YBEY: variants seen among roughly 807,000 people sequenced by gnomAD.
YBEY encodes the protein ybeY metalloendoribonuclease, also known as endoribonuclease YbeY.
YBEY carries 15 observed loss-of-function variants against 13.5 expected under a neutral mutation model. The observed-to-expected ratio is 1.11, with a 90% confidence interval of 0.75 to 1.72. The LOEUF (loss-of-function observed/expected upper bound fraction) is 1.72. Among genes scored for constraint, YBEY ranks in the 40% most tolerant of loss-of-function variants. The pLI, the probability that YBEY is intolerant of heterozygous loss-of-function variation, is 0.00. For missense variants in YBEY, 244 were observed against 208.4 expected (o/e 1.17, Z -1.05); for synonymous variants, 101 against 83.1 (o/e 1.21, Z -1.17).
At chr21:46,304,563 G>C in the YBEY span, among the ~76,000 whole-genome samples, 8 of 151,984 alleles carry the variant, frequency 5.3e-5, no homozygotes, top group Non-Finnish European at 1.2e-4. Flanking sequence ...AATTAAACCA[G>C]AATGAACTTC....
At chr21:46,293,044 CTGTGCCCGGGACT>C (rs1401661911) in intron 3 of YBEY, among the ~76,000 whole-genome samples, 9 of 3,502 alleles carry the variant, frequency 2.6e-3, no homozygotes, top group African/African-American at 5.9e-3. Context: ...TTAGCCTGAC[CTGTGCCCGGGACT>C]CAGTGGGGAC....
intron 3 of YBEY, among the ~76,000 whole-genome samples, chr21:46,293,896 G>A (rs373436426): frequency 0.034 from 134 of 3,982 alleles, 1 homozygote; most frequent in East Asian, 0.083. Context: ...ACACAAGTTA[G>A]ACTCTAGATT....
downstream of YBEY, chr21:46,300,986 C>T (rs1278453240): frequency 2.6e-5 from 21 of 802,870 alleles, no homozygotes; most frequent in South Asian, 2.7e-4. Context: ...GGGAGTGAGC[C>T]GCCCTTCCAC....
chr21:46,301,724 G>C, downstream of YBEY: 2 of 1,201,586 alleles, frequency 1.7e-6, no homozygotes, highest in Non-Finnish European at 2.1e-6. Flanking sequence ...CTACAGGAAA[G>C]GAGGGGTCCC....
chr21:46,303,745 A>ATATTT, the YBEY span, among the ~76,000 whole-genome samples: 3 of 23,816 alleles, frequency 1.3e-4, no homozygotes, highest in African/African-American at 1.7e-4. Context: ...ATATATATAT[A>ATATTT]TTTTTTTTTT....
At chr21:46,294,881 T>G (rs13049747) in intron 3 of YBEY, among the ~76,000 whole-genome samples, 1 of 151,542 alleles carries the variant, frequency 6.6e-6, no homozygotes, top group Admixed American at 6.6e-5. Context: ...CAAGTGCATC[T>G]GTGTGGCTTG....
At chr21:46,301,941 A>C (rs2082121692), downstream of YBEY, 3 of 1,434,362 alleles carry the variant, frequency 2.1e-6, no homozygotes, top group East Asian at 8.1e-5. Context: ...CACAGCCCAC[A>C]GCCCTGAGGA....
chr21:46,288,337 A>G (rs2081551098), intron 2 of YBEY, among the ~76,000 whole-genome samples: 1 of 152,204 alleles, frequency 6.6e-6, no homozygotes, highest in South Asian at 2.1e-4. Context: ...CATTTCAAAC[A>G]CATGTATCCT....
chr21:46,308,481 C>T, the YBEY span, among the ~76,000 whole-genome samples: 2 of 152,040 alleles, frequency 1.3e-5, no homozygotes, highest in South Asian at 4.2e-4. Flanking sequence ...AGTTAAATCT[C>T]ATATGATTCA....
the YBEY span, among the ~76,000 whole-genome samples, chr21:46,306,909 T>A: frequency 6.8e-6 from 1 of 147,926 alleles, no homozygotes; most frequent in Non-Finnish European, 1.5e-5. Context: ...TTATTTATTT[T>A]TTTTAAGACA....
chr21:46,303,701 C>A, the YBEY span, among the ~76,000 whole-genome samples: 2 of 99,084 alleles, frequency 2.0e-5, no homozygotes, highest in African/African-American at 3.5e-5. Flanking sequence ...CACACACACA[C>A]ACACAAAATA....
At chr21:46,300,936 T>G (rs2082085983), downstream of YBEY, 7 of 810,326 alleles carry the variant, frequency 8.6e-6, no homozygotes, top group Non-Finnish European at 1.2e-5. Context: ...CCTGTCCACA[T>G]GGTAAGAAAC....
At chr21:46,310,438 C>T in the YBEY span, among the ~76,000 whole-genome samples, 14 of 150,850 alleles carry the variant, frequency 9.3e-5, no homozygotes, top group African/African-American at 3.2e-4. Context: ...AAGATGGCGC[C>T]ATTGCACTCC....
At chr21:46,307,088 A>T in the YBEY span, among the ~76,000 whole-genome samples, 1 of 147,034 alleles carries the variant, frequency 6.8e-6, no homozygotes, top group Non-Finnish European at 1.5e-5. Context: ...TAGACACGGG[A>T]TTTCACCATG....
chr21:46,310,508 AAC>A, the YBEY span, among the ~76,000 whole-genome samples: 34 of 145,272 alleles, frequency 2.3e-4, no homozygotes, highest in African/African-American at 3.3e-4. Context: ...AAAAAAAAAA[AAC>A]AAAACTTGTC....
chr21:46,295,718 GC>G (rs1218293417), intron 3 of YBEY, among the ~76,000 whole-genome samples: 1 of 41,902 alleles, frequency 2.4e-5, no homozygotes, highest in African/African-American at 1.7e-4. Context: ...GCCACCGGAG[GC>G]CCCATCCTGA....
chr21:46,312,565 C>G, the YBEY span, among the ~76,000 whole-genome samples: 4 of 152,154 alleles, frequency 2.6e-5, no homozygotes, highest in Admixed American at 6.5e-5. Flanking sequence ...GAGAGCCACC[C>G]ATCCAACCAA....
chr21:46,287,747 T>C (rs1026990685), intron 2 of YBEY, among the ~76,000 whole-genome samples: 3 of 152,088 alleles, frequency 2.0e-5, no homozygotes, highest in African/African-American at 7.2e-5. Flanking sequence ...TCCCAGCACT[T>C]TGGGAGCCCG....
chr21:46,306,776 T>C, the YBEY span, among the ~76,000 whole-genome samples: 1 of 152,132 alleles, frequency 6.6e-6, no homozygotes, highest in Non-Finnish European at 1.5e-5. Context: ...TTTGTAGAGA[T>C]GGAGTTTCCC....
Sources: allele counts gnomAD v4.1 joint callset (sites outside exome capture counted in the v4.1 genomes callset), GRCh38; gene constraint gnomAD v4.1.1; transcripts MANE v1.5; gene names NCBI Gene and HGNC (gene_info 2026-07-23, HGNC 2026-07-21).